The following HLCS variants were observed in gnomAD, a reference collection of about 807,000 sequenced individuals.
HLCS encodes holocarboxylase synthetase.
A neutral mutation model predicts 75.0 loss-of-function variants in HLCS; 53 were observed. The observed-to-expected ratio is 0.71, with a 90% confidence interval of 0.57 to 0.89. HLCS has a LOEUF of 0.89. Ranked by LOEUF, HLCS falls within the 40% of genes least tolerant of loss-of-function variation. The probability of loss-of-function intolerance (pLI) is 0.00; values close to 1 mark genes in which losing one functional copy is unlikely to be tolerated. For missense variants in HLCS, 966 were observed against 1,074.0 expected, an observed-to-expected ratio of 0.90 and a Z score of 1.41; for synonymous variants, 431 against 428.6, an observed-to-expected ratio of 1.01 and a Z score of -0.07.
intron 6 of HLCS, among the ~76,000 whole-genome samples, chr21:36,781,042 G>C (rs8134332): frequency 0.033 from 4,851 of 147,324 alleles, 287 homozygotes; most frequent in African/African-American, 0.11. Flanking sequence ...CACAGCTCAC[G>C]TTACCACCTG....
At chr21:36,779,500 T>C (rs575365723) in intron 6 of HLCS, among the ~76,000 whole-genome samples, 4 of 152,156 alleles carry the variant, frequency 2.6e-5, no homozygotes, top group Admixed American at 6.5e-5. Flanking sequence ...CTTTCTCCAA[T>C]AGTGGGAAAT....
intron 9 of HLCS, among the ~76,000 whole-genome samples, chr21:36,758,379 A>G (rs2089688039): frequency 6.6e-6 from 1 of 152,090 alleles, no homozygotes; most frequent in African/African-American, 2.4e-5. Flanking sequence ...AAGTGCTGGG[A>G]TTACAGGCAT....
intron 5 of HLCS, among the ~76,000 whole-genome samples, chr21:36,903,109 A>C (rs2065306799): frequency 6.6e-6 from 1 of 152,148 alleles, no homozygotes; most frequent in African/African-American, 2.4e-5. Context: ...AAACCAGAAA[A>C]GTTGTTGGAA....
At chr21:36,985,400 AGGCG>A (rs1423215167) in intron 1 of HLCS, among the ~76,000 whole-genome samples, 3 of 152,204 alleles carry the variant, frequency 2.0e-5, no homozygotes, top group Non-Finnish European at 4.4e-5. Flanking sequence ...TGGGAGGCCA[AGGCG>A]GGCGGATCAC....
intron 6 of HLCS, among the ~76,000 whole-genome samples, chr21:36,888,463 TA>T (rs2064609376): frequency 3.8e-5 from 1 of 26,068 alleles, no homozygotes; most frequent in African/African-American, 9.7e-5. Flanking sequence ...TATATATATA[TA>T]TATATATATA....
chr21:36,907,091 G>T (rs960651294), intron 5 of HLCS, among the ~76,000 whole-genome samples: 2 of 152,046 alleles, frequency 1.3e-5, no homozygotes, highest in Non-Finnish European at 2.9e-5. Flanking sequence ...GATAATCTTT[G>T]CAATACATGG....
At chr21:36,848,224 A>G (rs1161330513) in intron 6 of HLCS, among the ~76,000 whole-genome samples, 1 of 151,944 alleles carries the variant, frequency 6.6e-6, no homozygotes, top group African/African-American at 2.4e-5. Context: ...ATTCTGCACA[A>G]TGTATGAGAG....
chr21:36,939,055 A>C, intron 2 of HLCS, 61 bp from the exon 3 acceptor site: 1 of 1,462,472 alleles, frequency 6.8e-7, no homozygotes, highest in African/African-American at 1.4e-5. Context: ...TTCTTCTCTA[A>C]AATAACCACA....
chr21:36,959,388 C>T (rs537634335), intron 2 of HLCS, among the ~76,000 whole-genome samples: 3 of 152,326 alleles, frequency 2.0e-5, no homozygotes, highest in Admixed American at 6.5e-5. Flanking sequence ...GGGCTGAGGA[C>T]GGCTGGTTGC....
At chr21:36,956,086 G>A (rs2067927325) in intron 2 of HLCS, among the ~76,000 whole-genome samples, 2 of 152,310 alleles carry the variant, frequency 1.3e-5, no homozygotes, top group Middle Eastern at 3.4e-3. Flanking sequence ...TTCTCACAAT[G>A]TGTATCTGTC....
rs148709879 is a variant in HLCS at position 36,759,812 on chromosome 21, G to A, written c.2151C>T (p.Asn717=). The change falls in exon 9 of 11, where the codon AAC becomes AAT. Residue 717 remains asparagine (N), a synonymous_variant. Transcript: ENST00000674895. ...TCATGAGGTCACTGTAATAAATATC[G>A]TTGGGCCACTTCACTCGTAAGTTGA... is the stretch of plus-strand genomic sequence containing the variant. ...QDINLRVKWP[N]DIYYSDLMKI... 1.1e-4 allele frequency: 182 copies of A among 1,612,826 alleles called. No homozygotes were observed. The East Asian group carries it at 2.8e-3, about 25-fold the overall frequency.
At chr21:36,877,328 C>A (rs2064022622) in intron 6 of HLCS, among the ~76,000 whole-genome samples, 1 of 151,372 alleles carries the variant, frequency 6.6e-6, no homozygotes, top group African/African-American at 2.4e-5. Context: ...TGTTTCTAGT[C>A]CTCTTTTCCT....
In HLCS at chr21:36,897,066, G is replaced by C. The variant is rs141905941; in HGVS notation, c.1686C>G (p.Ser562=). Residue 562 remains serine (S), a synonymous_variant, in exon 6 of 11, where the codon TCC becomes TCG. Transcript: ENST00000674895. ...KHVDSEGEIK[S]GQLSLRFVSS... The stretch of plus-strand genomic sequence containing the variant: ...AAACAAATCTAAGAGAGAGCTGGCC[G>C]GATTTTATTTCTCCCTCGGAGTCCA... 24 of 1,613,906 alleles carry C rather than the reference G, an allele frequency of 1.5e-5. No individual in the cohort carries two copies. The African/African-American group carries it at 3.1e-4, about 21-fold the overall frequency.
chr21:36,788,612 T>C (rs1018403210), intron 6 of HLCS, among the ~76,000 whole-genome samples: 1 of 152,110 alleles, frequency 6.6e-6, no homozygotes, highest in Non-Finnish European at 1.5e-5. Context: ...GTAATGAGTG[T>C]GGGAGGAGGA....
At chr21:36,933,780 G>C (rs1340559531) in intron 4 of HLCS, among the ~76,000 whole-genome samples, 3 of 152,106 alleles carry the variant, frequency 2.0e-5, no homozygotes, top group Admixed American at 2.0e-4. Context: ...GGGATGAGAG[G>C]GGTGCTCGAC....
At chr21:36,870,118 A>G (rs1408552594) in intron 6 of HLCS, among the ~76,000 whole-genome samples, 1 of 152,208 alleles carries the variant, frequency 6.6e-6, no homozygotes, top group Non-Finnish European at 1.5e-5. Context: ...TTGACTCTGA[A>G]GGACTGTCAG....
At chr21:36,781,777 C>G (rs924673284) in intron 6 of HLCS, among the ~76,000 whole-genome samples, 22 of 152,052 alleles carry the variant, frequency 1.4e-4, no homozygotes, top group African/African-American at 4.4e-4. Flanking sequence ...GGCCTCCTTG[C>G]CATGTTTCTT....
chr21:36,823,419 C>T (rs1362999079), intron 6 of HLCS, among the ~76,000 whole-genome samples: 2 of 152,152 alleles, frequency 1.3e-5, no homozygotes, highest in Non-Finnish European at 1.5e-5. Context: ...ACAAATAATA[C>T]GAATCTCTCT....
intron 6 of HLCS, among the ~76,000 whole-genome samples, chr21:36,790,225 G>A (rs1015673641): frequency 1.3e-5 from 2 of 152,132 alleles, no homozygotes; most frequent in East Asian, 3.9e-4. Context: ...CCAACATGGT[G>A]AAACCCTGTC....
Sources: allele counts gnomAD v4.1 joint callset (sites outside exome capture counted in the v4.1 genomes callset), GRCh38; gene constraint gnomAD v4.1.1; transcripts MANE v1.5; gene names NCBI Gene and HGNC (gene_info 2026-07-23, HGNC 2026-07-21).